Variants in DCC observed in about 807,000 individuals in gnomAD.
DCC encodes the protein netrin receptor DCC.
DCC carries 58 observed loss-of-function variants against 172.5 expected under a neutral mutation model. The ratio of observed to expected loss-of-function variants is 0.34; its 90% CI spans 0.27 to 0.42. DCC has a LOEUF of 0.42. DCC is among the 10% of genes least tolerant of loss of function. The probability of loss-of-function intolerance (pLI) is 1.00; values close to 1 mark genes in which losing one functional copy is unlikely to be tolerated. For synonymous variants in DCC, 709 were observed against 644.5 expected, an observed-to-expected ratio of 1.10 and a Z score of -1.52; for missense variants, 1,740 against 1,791.0, an observed-to-expected ratio of 0.97 and a Z score of 0.51.
At chr18:53,186,035 G>C (rs1160710727) in intron 9 of DCC, among the ~76,000 whole-genome samples, 1 of 152,148 alleles carries the variant, frequency 6.6e-6, no homozygotes, top group Non-Finnish European at 1.5e-5. Flanking sequence ...AGTTGCTTGG[G>C]TTGAACAGTG....
At chr18:52,709,027 A>C (rs2036254446) in intron 1 of DCC, among the ~76,000 whole-genome samples, 2 of 152,088 alleles carry the variant, frequency 1.3e-5, no homozygotes, top group South Asian at 2.1e-4. Context: ...TATTTCTGGC[A>C]ATCTTTTCTC....
At chr18:52,486,377 A>G (rs2030224753) in intron 1 of DCC, among the ~76,000 whole-genome samples, 1 of 152,140 alleles carries the variant, frequency 6.6e-6, no homozygotes, top group Non-Finnish European at 1.5e-5. Flanking sequence ...GATAGAGTTC[A>G]GGGATATAGA....
At chr18:52,372,132 T>C (rs746590694) in intron 1 of DCC, among the ~76,000 whole-genome samples, 2 of 152,234 alleles carry the variant, frequency 1.3e-5, no homozygotes, top group Non-Finnish European at 2.9e-5. Flanking sequence ...GCTTTAGTTA[T>C]GCCCTCTTCT....
chr18:53,390,657 C>T (rs1161931824), intron 16 of DCC, among the ~76,000 whole-genome samples: 1 of 152,084 alleles, frequency 6.6e-6, no homozygotes, highest in African/African-American at 2.4e-5. Context: ...TTACTGTGGC[C>T]ACAAAATCAG....
intron 1 of DCC, among the ~76,000 whole-genome samples, chr18:52,605,402 GC>G (rs1163117609): frequency 6.6e-6 from 1 of 152,098 alleles, no homozygotes; most frequent in African/African-American, 2.4e-5. Flanking sequence ...AGAAGCTACT[GC>G]ATTCGATTTG....
intron 9 of DCC, among the ~76,000 whole-genome samples, chr18:53,185,582 G>A (rs2055267507): frequency 6.6e-6 from 1 of 152,120 alleles, no homozygotes; most frequent in Admixed American, 6.6e-5. Context: ...TATCTCTCTT[G>A]TGAGCCACAT....
chr18:53,192,382 C>T (rs1419099624), intron 9 of DCC, among the ~76,000 whole-genome samples: 3 of 151,988 alleles, frequency 2.0e-5, no homozygotes, highest in Non-Finnish European at 4.4e-5. Flanking sequence ...GAGAAAAATT[C>T]CTCAATGTAC....
At chr18:52,995,960 T>G (rs1369604348) in intron 5 of DCC, among the ~76,000 whole-genome samples, 21 of 151,916 alleles carry the variant, frequency 1.4e-4, no homozygotes, top group Admixed American at 1.4e-3. Flanking sequence ...TCCTCTATTT[T>G]TCAATAGTTA....
intron 2 of DCC, among the ~76,000 whole-genome samples, chr18:52,817,674 T>A (rs1309808544): frequency 6.6e-6 from 1 of 152,166 alleles, no homozygotes; most frequent in African/African-American, 2.4e-5. Context: ...ATTTGCCTAA[T>A]GTGTATGTAC....
chr18:52,795,839 T>G (rs2037864530), intron 2 of DCC, among the ~76,000 whole-genome samples: 1 of 152,004 alleles, frequency 6.6e-6, no homozygotes, highest in Non-Finnish European at 1.5e-5. Flanking sequence ...ATTTCTTCAT[T>G]GATGCAATAG....
At chr18:52,405,033 G>A (rs1986588538) in intron 1 of DCC, among the ~76,000 whole-genome samples, 1 of 151,706 alleles carries the variant, frequency 6.6e-6, no homozygotes, top group African/African-American at 2.4e-5. Context: ...TGGTGTATAT[G>A]TGCCACATTT....
chr18:52,507,633 A>C (rs2031279702), intron 1 of DCC, among the ~76,000 whole-genome samples: 1 of 152,226 alleles, frequency 6.6e-6, no homozygotes, highest in Non-Finnish European at 1.5e-5. Flanking sequence ...AAGTGAAGCC[A>C]GTCCAAGAAG....
intron 27 of DCC, among the ~76,000 whole-genome samples, chr18:53,512,831 C>CTGAT (rs1422542047): frequency 7.2e-5 from 11 of 151,796 alleles, no homozygotes; most frequent in African/African-American, 2.7e-4. Context: ...AAATCTACGT[C>CTGAT]TGATTGGTGT....
chr18:53,287,282 G>T (rs1259160904), intron 12 of DCC, among the ~76,000 whole-genome samples: 1 of 152,076 alleles, frequency 6.6e-6, no homozygotes, highest in African/African-American at 2.4e-5. Flanking sequence ...ATTTTTCAAG[G>T]TTCATCCATA....
chr18:53,120,884 C>G (rs545077784), intron 7 of DCC, among the ~76,000 whole-genome samples: 1 of 151,662 alleles, frequency 6.6e-6, no homozygotes, highest in East Asian at 1.9e-4. Flanking sequence ...TTGTTTAGGG[C>G]AAGTGTTACT....
chr18:53,056,858 G>A (rs1387592478), intron 5 of DCC, among the ~76,000 whole-genome samples: 1 of 151,838 alleles, frequency 6.6e-6, no homozygotes, highest in Non-Finnish European at 1.5e-5. Context: ...AGAGTGGTTT[G>A]TGCTGCCTAT....
At chr18:52,633,713 T>C (rs1260502188) in intron 1 of DCC, among the ~76,000 whole-genome samples, 1 of 152,182 alleles carries the variant, frequency 6.6e-6, no homozygotes, top group Admixed American at 6.5e-5. Context: ...TTGGCTGTTT[T>C]CCCACATGAC....
chr18:52,844,796 C>T (rs1647068479), intron 2 of DCC, among the ~76,000 whole-genome samples: 1 of 152,200 alleles, frequency 6.6e-6, no homozygotes, highest in Non-Finnish European at 1.5e-5. Flanking sequence ...AAAGGTAGGG[C>T]TTCCTCTTTG....
intron 1 of DCC, among the ~76,000 whole-genome samples, chr18:52,507,284 A>T (rs1006296329): frequency 2.0e-5 from 3 of 152,148 alleles, no homozygotes; most frequent in Non-Finnish European, 4.4e-5. Context: ...CAGGACTAAG[A>T]TGTTATTTTT....
Sources: allele counts gnomAD v4.1 joint callset (sites outside exome capture counted in the v4.1 genomes callset), GRCh38; gene constraint gnomAD v4.1.1; transcripts MANE v1.5; gene names NCBI Gene and HGNC (gene_info 2026-07-23, HGNC 2026-07-21).